Variants in CWC15 observed in about 807,000 individuals in gnomAD.
CWC15 encodes the protein spliceosome-associated protein CWC15 homolog.
CWC15 carries 12 observed loss-of-function variants against 28.4 expected under a neutral mutation model. The ratio of observed to expected loss-of-function variants is 0.42; its 90% CI spans 0.27 to 0.69. The LOEUF is 0.69. Ranked by LOEUF, CWC15 falls within the 30% of genes least tolerant of loss-of-function variation. The pLI is 0.23. For synonymous variants in CWC15, 92 were observed against 88.4 expected (o/e 1.04, Z -0.23); for missense variants, 192 against 271.5 (o/e 0.71, Z 2.06).
At chr11:94,970,571 T>C (rs1459052778) in intron 4 of CWC15, 2 of 193,662 alleles carry the variant, frequency 1.0e-5, no homozygotes, top group East Asian at 1.4e-4. Context: ...ATTAAGTGTA[T>C]TGCACTTATA....
chr11:94,967,316 G>A (rs587720093), intron 5 of CWC15, among the ~76,000 whole-genome samples: 15 of 152,242 alleles, frequency 9.9e-5, no homozygotes, highest in Admixed American at 2.6e-4. Context: ...GTGAGCCACC[G>A]TGCCCGGCCT....
At chr11:94,972,467 G>C (rs1857736406) in intron 1 of CWC15, among the ~76,000 whole-genome samples, 1 of 152,096 alleles carries the variant, frequency 6.6e-6, no homozygotes, top group Admixed American at 6.6e-5. Context: ...GCTTGAGCAA[G>C]TCACCTGGCT....
At chr11:94,965,011 A>G (rs978803550) in intron 6 of CWC15, among the ~76,000 whole-genome samples, 1 of 152,234 alleles carries the variant, frequency 6.6e-6, no homozygotes, top group Non-Finnish European at 1.5e-5. Context: ...ATCACTCCAG[A>G]GGGGAGAGCA....
rs1857711882 is a variant in CWC15, at chr11:94,970,999, T to C, written c.311A>G (p.Asp104Gly). The C allele has an allele frequency of 6.2e-7, 1 of 1,613,454 alleles. No individual in the cohort carries two copies. Among genetic ancestry groups the C allele is most frequent in the Admixed American group, 1.7e-5 (1 of 60,012 alleles). ...TACATCTGTTAGAGGGTCATCTGCA[T>C]CAAGGTTGGCGGCAGGAATCTGGTC... ...RLDQIPAANL[D>G]ADDPLTDEED... Residue 104 changes from aspartate (D) to glycine (G), a missense_variant, in exon 4 of 7, where the codon GAT (aspartate) becomes GGT (glycine). Around this residue, in one of 2 missense-constraint regions of CWC15, gnomAD observed 188 missense variants for 250.3 expected, o/e 0.75. Coordinates refer to ENST00000279839, the MANE Select transcript of CWC15 (RefSeq NM_016403.4).
At chr11:94,972,020 G>T in intron 2 of CWC15, 35 bp downstream of exon 2, 1 of 1,587,650 alleles carries the variant, frequency 6.3e-7, no homozygotes, top group South Asian at 1.1e-5. Flanking sequence ...ATCTGGTCTT[G>T]TTTTGTGAAC....
intron 5 of CWC15, among the ~76,000 whole-genome samples, 192 bp downstream of exon 5, chr11:94,969,797 G>A (rs1171664242): frequency 6.6e-6 from 1 of 152,078 alleles, no homozygotes; most frequent in African/African-American, 2.4e-5. Context: ...GAACTATTTG[G>A]AAAGAATTTC....
rs1156862752 is a variant in CWC15 at position 94,973,538 on chromosome 11, A to C, written c.-49T>G. 1 of 152,404 alleles carries C rather than the reference A, an allele frequency of 6.6e-6. No homozygotes were observed. Among genetic ancestry groups the C allele is most frequent in the Non-Finnish European group, 1.5e-5 (1 of 68,152 alleles). 9.4% of individuals were successfully genotyped at this position (152,404 alleles called of 1,614,324 possible). A position where few individuals can be genotyped will look rare whatever the true frequency, so the allele number is the denominator to read the frequency against. ...ATGCAGCAGGCTCCGAAGATCATAC[A>C]GACGCCATTACCACTCTTGGCTCCC... On this transcript the variant is annotated 5_prime_UTR_variant, in exon 1 of 7. Transcript: ENST00000279839.
chr11:94,966,644 T>C (rs1857649137), intron 5 of CWC15, among the ~76,000 whole-genome samples: 1 of 151,810 alleles, frequency 6.6e-6, no homozygotes, highest in Non-Finnish European at 1.5e-5. Flanking sequence ...TCATGGTTGA[T>C]ATCATACAGT....
In CWC15 at chr11:94,966,172, C is replaced by T. The variant is rs587635239; in HGVS notation, c.560+123G>A. ...GGACTTTTAGAAGCTTTTTACAATG[C>T]ACCTTGCTATCCAACTTATAATCTG... On this transcript the variant is annotated intron_variant, in intron 6 of 6. Transcript: ENST00000279839. The T allele has an allele frequency of 2.3e-5, 14 of 598,632 alleles. 1 individual carries two copies. The South Asian group carries it at 3.4e-4, about 14-fold the overall frequency. 37.1% of individuals were successfully genotyped at this position (598,632 alleles called of 1,614,324 possible). A position where few individuals can be genotyped will look rare whatever the true frequency, so the allele number is the denominator to read the frequency against.
chr11:94,969,590 G>A (rs1555095837), intron 5 of CWC15, among the ~76,000 whole-genome samples: 3 of 152,120 alleles, frequency 2.0e-5, no homozygotes, highest in African/African-American at 7.2e-5. Context: ...GCTTGACCTA[G>A]GTTATATAAT....
intron 5 of CWC15, among the ~76,000 whole-genome samples, chr11:94,967,043 G>A (rs587766337): frequency 8.6e-6 from 1 of 116,838 alleles, no homozygotes; most frequent in Admixed American, 1.2e-4. Flanking sequence ...TTGTCTTACT[G>A]AGTTTTTCTT....
chr11:94,970,408 G>C (rs1203641507), intron 4 of CWC15: 1 of 202,904 alleles, frequency 4.9e-6, no homozygotes, highest in Non-Finnish European at 9.8e-6. Context: ...ATTACTCATT[G>C]GATGCCACTC....
chr11:94,971,818 C>T (rs1430482913), intron 2 of CWC15, among the ~76,000 whole-genome samples: 1 of 152,150 alleles, frequency 6.6e-6, no homozygotes, highest in Non-Finnish European at 1.5e-5. Context: ...ATAGTGCATA[C>T]TCTGAGGCAT....
At chr11:94,963,670 T>G (rs1369456727) in intron 6 of CWC15, among the ~76,000 whole-genome samples, 156 bp from the exon 7 acceptor site, 1 of 152,254 alleles carries the variant, frequency 6.6e-6, no homozygotes. Flanking sequence ...ATGTCATCCT[T>G]AATATATAAT....
Position 94,969,988 on chromosome 11 carries a change from C to T in CWC15, c.441+1G>A. 1 of 1,516,518 alleles carries T rather than the reference C, an allele frequency of 6.6e-7. No homozygotes were observed. The highest frequency in any genetic ancestry group is 8.8e-7 in the Non-Finnish European group (1 of 1,133,234). 93.9% of individuals were successfully genotyped at this position (1,516,518 alleles called of 1,614,324 possible). On this transcript the variant is annotated splice_donor_variant, in intron 5 of 6. Transcript: ENST00000279839. LOFTEE classifies it high-confidence loss of function. ...GTAAATATTTAATACTTTGGTTTTA[C>T]CTTCCTGGCCTGCTCTTCAGCTCTT...
At chr11:94,972,308 G>C (rs78946751) in intron 1 of CWC15, 115 bp from the exon 2 acceptor site, 1 of 1,016,340 alleles carries the variant, frequency 9.8e-7, no homozygotes, top group Non-Finnish European at 1.4e-6. Flanking sequence ...CCCAAAACCT[G>C]CTTAATCTTC....
rs1857722656 is a variant in CWC15, at chr11:94,971,559, A to G, written c.132-72T>C. 3 of 818,224 alleles carry G rather than the reference A, an allele frequency of 3.7e-6. No homozygotes were observed. In the African/African-American group the frequency reaches 5.2e-5, roughly 14 times the overall value. 50.7% of individuals were successfully genotyped at this position (818,224 alleles called of 1,614,324 possible). A position where few individuals can be genotyped will look rare whatever the true frequency, so the allele number is the denominator to read the frequency against. On this transcript the variant is annotated intron_variant, in intron 2 of 6. Coordinates refer to ENST00000279839, the MANE Select transcript of CWC15 (RefSeq NM_016403.4). Reference sequence around the variant, plus strand: ...ACACACACACACAGAGACTGTAGTAATGGAAGACAATTCAGGAATGAGACT... The same window carrying G: ...ACACACACACACAGAGACTGTAGTAGTGGAAGACAATTCAGGAATGAGACT...
At chr11:94,966,642 G>GA (rs1269884230) in intron 5 of CWC15, among the ~76,000 whole-genome samples, 1 of 142,636 alleles carries the variant, frequency 7.0e-6, no homozygotes, top group African/African-American at 2.6e-5. Context: ...TTTCATGGTT[G>GA]ATATCATACA....
In CWC15 at chr11:94,970,008, G is replaced by A; in HGVS notation, c.422C>T (p.Ala141Val). The change falls in exon 5 of 7, where the codon GCT becomes GTT. Residue 141 changes from alanine (A) to valine (V), a missense_variant. This residue lies in a region of CWC15 where 188 missense variants were observed against 250.3 expected (regional missense o/e 0.75). Coordinates refer to ENST00000279839, the MANE Select transcript of CWC15 (RefSeq NM_016403.4). Reference protein sequence around the residue: ...AELEKIKKERAEEQARKEQEQ... With the variant: ...AELEKIKKERVEEQARKEQEQ... ...TTTTACCTTCCTGGCCTGCTCTTCA[G>A]CTCTTTCTTTTTTAATTTTTTCCAG... 3.2e-6 allele frequency: 5 copies of A among 1,563,008 alleles called. No homozygotes were observed. The highest frequency in any genetic ancestry group is 1.7e-4 in the Middle Eastern group (1 of 5,988).
Sources: allele counts gnomAD v4.1 joint callset (sites outside exome capture counted in the v4.1 genomes callset), GRCh38; gene constraint gnomAD v4.1.1; regional missense constraint gnomAD v4.1.1; transcripts MANE v1.5; gene names NCBI Gene and HGNC (gene_info 2026-07-23, HGNC 2026-07-21).